Variants in MYOM1 observed in about 807,000 individuals in gnomAD.
MYOM1 encodes the protein myomesin 1.
In MYOM1, 164 loss-of-function variants were observed where a neutral mutation model predicts 205.3. The ratio of observed to expected loss-of-function variants is 0.80; its 90% CI spans 0.70 to 0.91. The LOEUF (loss-of-function observed/expected upper bound fraction) is 0.91. Among genes scored for constraint, MYOM1 ranks in the 40% least tolerant of loss-of-function variants. The pLI is 0.00. For missense variants in MYOM1, 2,011 were observed against 2,127.3 expected (o/e 0.95, Z 1.08); for synonymous variants, 772 against 789.4 (o/e 0.98, Z 0.37).
Position 3,193,852 on chromosome 18 carries a change from G to A in MYOM1, c.397C>T (p.Pro133Ser), listed in dbSNP as rs2080954710. Residue 133 changes from proline to serine, a missense_variant, in exon 3 of 38, where the codon CCC (proline) becomes TCC (serine). Coordinates refer to ENST00000356443, the MANE Select transcript of MYOM1 (RefSeq NM_003803.4). ...AAAATGGGTACCATGTAGTCACTGG[G>A]CAAATTTTCTTTCTCTTCTCCAGAC... ...LLSGEEKENL[P>S]SDYMVPIFSG... 2.5e-6 allele frequency: 4 copies of A among 1,613,664 alleles called. No individual in the cohort carries two copies. In the East Asian group the frequency reaches 6.7e-5, roughly 27 times the overall value.
rs377281003 is a variant in MYOM1 at position 3,161,386 on chromosome 18, T to A, written c.1501+2892A>T. Among the ~76,000 whole-genome samples the A allele has an allele frequency of 8.9e-4, 135 of 152,338 alleles. 1 individual carries two copies. In the South Asian group the frequency reaches 0.023, roughly 26 times the overall value. On this transcript the variant is annotated intron_variant, in intron 10 of 37. Transcript: ENST00000356443. The stretch of plus-strand genomic sequence containing the variant: ...TGCTTCCTTTTAGTACTAGGACCCC[T>A]GAGCGTTAGCAGGAAACATGGCTGG...
chr18:3,148,739 G>T (rs113251595), intron 13 of MYOM1, among the ~76,000 whole-genome samples: 2 of 150,612 alleles, frequency 1.3e-5, no homozygotes, highest in Admixed American at 1.3e-4. Context: ...CCAGCTGCTC[G>T]GGAGGCTGAG....
chr18:3,160,828 A>T (rs1209292600), intron 10 of MYOM1, among the ~76,000 whole-genome samples: 2 of 152,150 alleles, frequency 1.3e-5, no homozygotes, highest in Non-Finnish European at 2.9e-5. Context: ...TAAATTTTAA[A>T]TTGGAACACC....
chr18:3,240,288 C>A, the MYOM1 span, among the ~76,000 whole-genome samples: 1 of 152,140 alleles, frequency 6.6e-6, no homozygotes, highest in South Asian at 2.1e-4. Context: ...ACTATCAGAG[C>A]CAGTGATATG....
chr18:3,100,628 G>A (rs528061964), intron 23 of MYOM1, among the ~76,000 whole-genome samples: 1 of 152,244 alleles, frequency 6.6e-6, no homozygotes, highest in South Asian at 2.1e-4. Flanking sequence ...CTCCTTCCAG[G>A]GGGTGATGGT....
chr18:3,227,417 C>T, the MYOM1 span, among the ~76,000 whole-genome samples: 3 of 151,888 alleles, frequency 2.0e-5, no homozygotes, highest in South Asian at 2.1e-4. Context: ...CTAGAGTAGT[C>T]GAGTTTATAG....
At chr18:3,141,550 A>C (rs1439964991) in intron 14 of MYOM1, among the ~76,000 whole-genome samples, 1 of 152,138 alleles carries the variant, frequency 6.6e-6, no homozygotes, top group African/African-American at 2.4e-5. Flanking sequence ...CACGATGTTC[A>C]TGTCCTACTA....
chr18:3,141,506 T>C lies in MYOM1; in HGVS notation c.2025+433A>G, dbSNP rs142554663. ...CACACTCCCGGCCATTTGAGAGTATTGCCCCTTCTCCGTTACCCCCTCCCT... is the reference window on the plus strand; with the variant it reads ...CACACTCCCGGCCATTTGAGAGTATCGCCCCTTCTCCGTTACCCCCTCCCT... On this transcript the variant is annotated intron_variant, in intron 14 of 37. Transcript: ENST00000356443. Among the ~76,000 whole-genome samples, 430 of 152,340 alleles carry C rather than the reference T, an allele frequency of 2.8e-3. 1 individual carries two copies. Among genetic ancestry groups the C allele is most frequent in the African/African-American group, 9.9e-3 (413 of 41,576 alleles).
At chr18:3,218,985 G>A (rs920593572) in intron 1 of MYOM1, among the ~76,000 whole-genome samples, 3 of 152,102 alleles carry the variant, frequency 2.0e-5, no homozygotes, top group African/African-American at 7.2e-5. Context: ...CCTGACCTCT[G>A]GAACAAAGGT....
the MYOM1 span, among the ~76,000 whole-genome samples, chr18:3,237,390 G>A: frequency 1.3e-5 from 2 of 151,918 alleles, no homozygotes; most frequent in African/African-American, 4.8e-5. Context: ...CACGAGGTCA[G>A]GAGATCAAGA....
intron 28 of MYOM1, 97 bp from the exon 29 acceptor site, chr18:3,089,338 A>G: frequency 2.0e-6 from 2 of 994,578 alleles, no homozygotes; most frequent in Non-Finnish European, 3.0e-6. Context: ...ATCTGAAGTC[A>G]GATTTTTAAA....
chr18:3,213,709 TCAAAGA>T (rs748929268), intron 2 of MYOM1, among the ~76,000 whole-genome samples: 5 of 152,326 alleles, frequency 3.3e-5, no homozygotes, highest in Non-Finnish European at 5.9e-5. Flanking sequence ...TTCTCTAATA[TCAAAGA>T]CAATCAGTGA....
intron 6 of MYOM1, 102 bp from the exon 7 acceptor site, chr18:3,174,310 C>T: frequency 1.1e-6 from 1 of 923,692 alleles, no homozygotes; most frequent in Non-Finnish European, 1.7e-6. Context: ...CCCTGCAAAT[C>T]AGTGGCTAAC....
intron 16 of MYOM1, among the ~76,000 whole-genome samples, chr18:3,133,903 C>T (rs2079913375): frequency 6.6e-6 from 1 of 152,154 alleles, no homozygotes; most frequent in African/African-American, 2.4e-5. Flanking sequence ...TGCTCTGTTG[C>T]CCAGGCCAGA....
At chr18:3,115,164 A>T (rs2079587006) in intron 21 of MYOM1, among the ~76,000 whole-genome samples, 1 of 151,766 alleles carries the variant, frequency 6.6e-6, no homozygotes, top group South Asian at 2.1e-4. Context: ...GGACCTCTGG[A>T]CTCATCTTGA....
At chr18:3,085,208 C>A in intron 30 of MYOM1, 76 bp from the exon 31 acceptor site, 1 of 372,552 alleles carries the variant, frequency 2.7e-6, no homozygotes, top group Non-Finnish European at 4.4e-6. Context: ...TTTTTTTCTT[C>A]TGCTTCTTCT....
At chr18:3,197,872 C>CAA (rs200265344) in intron 2 of MYOM1, among the ~76,000 whole-genome samples, 2,136 of 151,526 alleles carry the variant, frequency 0.014, 45 homozygotes, top group South Asian at 0.05. Context: ...GACTCCATCT[C>CAA]AAAAAAGAAA....
intron 35 of MYOM1, 71 bp downstream of exon 35, chr18:3,075,654 G>A (rs776354985): frequency 7.2e-5 from 109 of 1,516,820 alleles, no homozygotes; most frequent in Non-Finnish European, 9.7e-5. Context: ...ACACTCAGAG[G>A]GGCGAGCAGC....
the MYOM1 span, among the ~76,000 whole-genome samples, chr18:3,245,420 G>A: frequency 0.014 from 2,116 of 152,256 alleles, 50 homozygotes; most frequent in African/African-American, 0.049. Context: ...TAGTAAAAAC[G>A]TGAGAAGGAG....
Sources: gnomAD v4.1 joint callset for allele counts (sites outside exome capture counted in the v4.1 genomes callset) on GRCh38, gnomAD v4.1.1 for gene constraint, MANE v1.5 for transcripts, NCBI Gene and HGNC (gene_info 2026-07-23, HGNC 2026-07-21) for gene names.